TM9SF3: variants seen among roughly 807,000 people sequenced by gnomAD.
TM9SF3 encodes transmembrane 9 superfamily member 3.
Under a neutral mutation model 78.6 loss-of-function variants are expected in TM9SF3, and 14 were observed. The observed-to-expected ratio is 0.18, with a 90% CI of 0.12 to 0.28. TM9SF3 has a LOEUF of 0.28. Ranked by LOEUF, TM9SF3 falls within the 10% of genes least tolerant of loss-of-function variation. The probability of loss-of-function intolerance (pLI) is 1.00; values close to 1 mark genes in which losing one functional copy is unlikely to be tolerated. For synonymous variants in TM9SF3, 231 were observed against 241.7 expected, an observed-to-expected ratio of 0.96 and a Z score of 0.41; for missense variants, 496 against 721.9, an observed-to-expected ratio of 0.69 and a Z score of 3.59.
intron 9 of TM9SF3, among the ~76,000 whole-genome samples, chr10:96,540,461 A>G (rs538235848): frequency 6.6e-6 from 1 of 152,230 alleles, no homozygotes; most frequent in Non-Finnish European, 1.5e-5. Context: ...AAGACTTTCA[A>G]GCTAAGGCAG....
chr10:96,562,054 C>T lies in TM9SF3; in HGVS notation c.506G>A (p.Arg169Gln), dbSNP rs1564936503. Residue 169 changes from arginine to glutamine, a missense_variant, in exon 4 of 15, where the codon CGA (arginine) becomes CAA (glutamine). Physicochemically the swap from Arg to Gln is conservative, Grantham distance 43. Transcript: ENST00000371142. ...KKLEIGFNGN[R>Q]IVDVNLTSEG... ...ACTAGTTAGATTAACATCAACAATT[C>T]GATTTCCATTAAAACCTATTTCAAG... The T allele has an allele frequency of 1.2e-5, 19 of 1,613,182 alleles. No homozygotes were observed. Among genetic ancestry groups the T allele is most frequent in the East Asian group, 6.7e-5 (3 of 44,818 alleles).
At chr10:96,535,792 T>C (rs989943984) in intron 9 of TM9SF3, among the ~76,000 whole-genome samples, 1 of 152,210 alleles carries the variant, frequency 6.6e-6, no homozygotes, top group Non-Finnish European at 1.5e-5. Context: ...ACCCCAAAGA[T>C]CTACATACTG....
chr10:96,581,028 C>A (rs575827005), intron 1 of TM9SF3, among the ~76,000 whole-genome samples: 4 of 152,184 alleles, frequency 2.6e-5, no homozygotes, highest in Non-Finnish European at 5.9e-5. Flanking sequence ...GCCAGGTGTA[C>A]AAAGCAACTA....
chr10:96,557,733 A>G (rs1848252797), intron 5 of TM9SF3, among the ~76,000 whole-genome samples: 1 of 152,130 alleles, frequency 6.6e-6, no homozygotes. Flanking sequence ...TTTCCCCTAA[A>G]TATCCACATT....
At chr10:96,569,316 C>T (rs1848413165) in intron 2 of TM9SF3, among the ~76,000 whole-genome samples, 3 of 152,178 alleles carry the variant, frequency 2.0e-5, no homozygotes, top group Non-Finnish European at 4.4e-5. Context: ...ATAAAATTAA[C>T]GTAGAATTTC....
rs1370191801 is a variant in TM9SF3 at position 96,533,136 on chromosome 10, T to C, written c.1240A>G (p.Thr414Ala). The C allele has an allele frequency of 2.0e-5, 32 of 1,614,084 alleles. No homozygotes were observed. The highest frequency in any genetic ancestry group is 2.6e-5 in the Non-Finnish European group (31 of 1,180,000). ...CCTGACAGATTTCGGCCAAGTATTG[T>C]ACCAACAAGATTTAGAGGAAGAATA... ...FVILPLNLVG[T>A]ILGRNLSGQP... The change falls in exon 10 of 15, where the codon ACA (threonine) becomes GCA (alanine). Residue 414 changes from threonine to alanine, a missense_variant. Thr to Ala is a moderately conservative substitution (Grantham distance 58). Around this residue, in one of 4 missense-constraint regions of TM9SF3, gnomAD observed 280 missense variants for 422.6 expected, o/e 0.66. Coordinates refer to ENST00000371142, the MANE Select transcript of TM9SF3 (RefSeq NM_020123.4).
chr10:96,531,353 T>A (rs146108922), intron 10 of TM9SF3, among the ~76,000 whole-genome samples: 2 of 152,108 alleles, frequency 1.3e-5, no homozygotes, highest in East Asian at 3.9e-4. Flanking sequence ...TACCACGCTA[T>A]ACTGTAACTG....
At chr10:96,563,524 C>T (rs548576918) in intron 3 of TM9SF3, among the ~76,000 whole-genome samples, 21 of 152,096 alleles carry the variant, frequency 1.4e-4, no homozygotes, top group Non-Finnish European at 2.9e-4. Context: ...TATAGGTGTG[C>T]ACCACCATGC....
chr10:96,565,258 AT>A (rs1848355170), intron 3 of TM9SF3, 45 bp downstream of exon 3: 1 of 1,452,038 alleles, frequency 6.9e-7, no homozygotes, highest in South Asian at 1.6e-5. Context: ...ATAAATTCTG[AT>A]TATGCAAATT....
At chr10:96,528,316 T>A (rs1847860807) in intron 11 of TM9SF3, 139 bp from the exon 12 acceptor site, 4 of 741,296 alleles carry the variant, frequency 5.4e-6, no homozygotes, top group Non-Finnish European at 8.2e-6. Context: ...CAGCTTCTCT[T>A]ACCATGTCTT....
intron 10 of TM9SF3, among the ~76,000 whole-genome samples, chr10:96,531,907 T>A (rs1228850860): frequency 6.6e-6 from 1 of 151,770 alleles, no homozygotes; most frequent in East Asian, 1.9e-4. Flanking sequence ...AAAAAAAAAA[T>A]TACTTTAAAA....
At chr10:96,549,469 T>G (rs1848142445) in intron 7 of TM9SF3, among the ~76,000 whole-genome samples, 1 of 152,186 alleles carries the variant, frequency 6.6e-6, no homozygotes, top group African/African-American at 2.4e-5. Context: ...CTCATTGATC[T>G]CAGTCAGATT....
intron 1 of TM9SF3, among the ~76,000 whole-genome samples, chr10:96,580,608 C>T (rs1848556283): frequency 6.6e-6 from 1 of 152,082 alleles, no homozygotes; most frequent in African/African-American, 2.4e-5. Context: ...TTAGAATGCC[C>T]TCCTTTTCTC....
At chr10:96,538,645 G>C (rs1001876407) in intron 9 of TM9SF3, among the ~76,000 whole-genome samples, 4 of 151,954 alleles carry the variant, frequency 2.6e-5, no homozygotes, top group African/African-American at 9.7e-5. Flanking sequence ...TAAGACAAAA[G>C]ACTTGTATTT....
chr10:96,544,300 T>C, intron 8 of TM9SF3, 94 bp from the exon 9 acceptor site: 1 of 1,134,812 alleles, frequency 8.8e-7, no homozygotes, highest in Non-Finnish European at 1.2e-6. Flanking sequence ...AAATTTAACA[T>C]CTTAATAATT....
intron 9 of TM9SF3, among the ~76,000 whole-genome samples, chr10:96,540,265 A>G (rs1236667883): frequency 6.6e-6 from 1 of 152,210 alleles, no homozygotes; most frequent in Non-Finnish European, 1.5e-5. Flanking sequence ...CTACTAAAGG[A>G]TAGCATGTAC....
chr10:96,556,620 C>A lies in TM9SF3; in HGVS notation c.660+3039G>T, dbSNP rs148997800. 4.7e-3 allele frequency among the ~76,000 whole-genome samples: 720 copies of A among 152,168 alleles called. 5 individuals are homozygous for A. Among genetic ancestry groups the A allele is most frequent in the African/African-American group, 0.017 (702 of 41,490 alleles). ...CCAGTTTTGCAATCTCCACTGAACC[C>A]CATCAGCATATAAAGTTAATGTTTT... On this transcript the variant is annotated intron_variant, in intron 5 of 14. Coordinates refer to ENST00000371142, the MANE Select transcript of TM9SF3 (RefSeq NM_020123.4).
intron 9 of TM9SF3, among the ~76,000 whole-genome samples, chr10:96,543,369 C>G (rs1192044233): frequency 2.1e-5 from 2 of 96,198 alleles, no homozygotes; most frequent in Admixed American, 2.6e-4. Context: ...GAGTCTGGCT[C>G]TGTCGCCCAG....
chr10:96,544,032 T>G, intron 9 of TM9SF3, 44 bp downstream of exon 9: 2 of 1,579,918 alleles, frequency 1.3e-6, no homozygotes, highest in Non-Finnish European at 1.7e-6. Flanking sequence ...TCAGTTAGAA[T>G]GTGTATACTT....
Sources: allele counts gnomAD v4.1 joint callset (sites outside exome capture counted in the v4.1 genomes callset), GRCh38; gene constraint gnomAD v4.1.1; regional missense constraint gnomAD v4.1.1; transcripts MANE v1.5; gene names NCBI Gene and HGNC (gene_info 2026-07-23, HGNC 2026-07-21).